The following ROBO1 variants were observed in gnomAD, a reference collection of about 807,000 sequenced individuals.
The protein encoded by ROBO1 is roundabout guidance receptor 1, also known as roundabout homolog 1.
In ROBO1, 149 loss-of-function variants were observed where a neutral mutation model predicts 195.9. The observed-to-expected ratio is 0.76, with a 90% confidence interval of 0.67 to 0.87. ROBO1 has a LOEUF of 0.87. Ranked by LOEUF, ROBO1 falls within the 40% of genes least tolerant of loss-of-function variation. The pLI, the probability that ROBO1 is intolerant of heterozygous loss-of-function variation, is 0.00. For synonymous variants in ROBO1, 816 were observed against 733.2 expected (o/e 1.11, Z -1.82); for missense variants, 1,933 against 2,068.3 (o/e 0.93, Z 1.27).
intron 2 of ROBO1, among the ~76,000 whole-genome samples, chr3:79,220,738 G>T (rs1427738822): frequency 6.6e-6 from 1 of 151,980 alleles, no homozygotes; most frequent in Non-Finnish European, 1.5e-5. Context: ...ACATAAAATA[G>T]ATTCTCCTTT....
intron 1 of ROBO1, among the ~76,000 whole-genome samples, chr3:79,714,610 CAAT>C (rs1441252361): frequency 6.6e-6 from 1 of 151,578 alleles, no homozygotes; most frequent in African/African-American, 2.4e-5. Context: ...AAATGTCCAA[CAAT>C]GATAGACTGG....
At position 78,918,834 on chromosome 3, in the gene ROBO1, T is replaced by C. The variant is rs1318198872; in HGVS notation, c.499+19767A>G. ...CACAGATACTCATAGCCCACAACCATAAAGTGAGTACTTTATGAAAAAAGG... is the reference window on the plus strand; with the variant it reads ...CACAGATACTCATAGCCCACAACCACAAAGTGAGTACTTTATGAAAAAAGG... On this transcript the variant is annotated intron_variant, in intron 4 of 30. Transcript: ENST00000464233. 2.6e-5 allele frequency among the ~76,000 whole-genome samples: 4 copies of C among 152,154 alleles called. No homozygotes were observed. The East Asian group carries it at 7.7e-4, about 29-fold the overall frequency.
At chr3:78,799,547 T>G (rs539998718) in intron 4 of ROBO1, among the ~76,000 whole-genome samples, 1 of 152,088 alleles carries the variant, frequency 6.6e-6, no homozygotes, top group Non-Finnish European at 1.5e-5. Flanking sequence ...TTCACCGTGT[T>G]AGCCAGGATG....
chr3:78,908,318 C>T (rs1005764973), intron 4 of ROBO1, among the ~76,000 whole-genome samples: 3 of 151,892 alleles, frequency 2.0e-5, no homozygotes, highest in African/African-American at 7.2e-5. Flanking sequence ...AGAAAACCAG[C>T]TATTTCCCAC....
At chr3:78,915,148 T>C (rs1316739916) in intron 4 of ROBO1, among the ~76,000 whole-genome samples, 1 of 152,158 alleles carries the variant, frequency 6.6e-6, no homozygotes, top group African/African-American at 2.4e-5. Flanking sequence ...AAATTTAGCC[T>C]TTGTACTCTG....
chr3:79,468,986 C>A (rs1244933478), intron 2 of ROBO1, among the ~76,000 whole-genome samples: 1 of 152,020 alleles, frequency 6.6e-6, no homozygotes, highest in Admixed American at 6.6e-5. Flanking sequence ...ATGCAAATTT[C>A]ATAAAAAAAT....
At chr3:79,573,694 C>A (rs1943353881) in intron 2 of ROBO1, among the ~76,000 whole-genome samples, 1 of 152,124 alleles carries the variant, frequency 6.6e-6, no homozygotes, top group Non-Finnish European at 1.5e-5. Flanking sequence ...TAGCTTTCAG[C>A]TCCAGTTTAA....
rs1559650985 is a variant in ROBO1, at chr3:79,089,942, T to TTC, written c.172+35513_172+35514insGA. ...ATATATCATCCAGTTATTCTTTCTT[T>TTC]TTTTTTTTTTTTTTTAAGACGGAGT... On this transcript the variant is annotated intron_variant, in intron 3 of 30. Coordinates refer to ENST00000464233, the MANE Select transcript of ROBO1 (RefSeq NM_002941.4). Among the ~76,000 whole-genome samples the TTC allele has an allele frequency of 3.4e-5, 5 of 146,010 alleles. 1 individual carries two copies. The highest frequency in any genetic ancestry group is 7.5e-5 in the Non-Finnish European group (5 of 66,486).
At chr3:79,554,133 G>A (rs1309871206) in intron 2 of ROBO1, among the ~76,000 whole-genome samples, 1 of 151,714 alleles carries the variant, frequency 6.6e-6, no homozygotes, top group Non-Finnish European at 1.5e-5. Flanking sequence ...ATAATCTAAG[G>A]TATCATTATC....
At chr3:79,295,999 T>C (rs1472598416) in intron 2 of ROBO1, among the ~76,000 whole-genome samples, 1 of 152,114 alleles carries the variant, frequency 6.6e-6, no homozygotes, top group Non-Finnish European at 1.5e-5. Context: ...TATAAATATA[T>C]AGAAATAAAA....
At chr3:78,958,813 C>T (rs996522597) in intron 3 of ROBO1, among the ~76,000 whole-genome samples, 3 of 147,770 alleles carry the variant, frequency 2.0e-5, no homozygotes, top group African/African-American at 7.6e-5. Flanking sequence ...GTCACCCTTT[C>T]TTCTTCTTTT....
At chr3:79,503,928 C>T (rs986708851) in intron 2 of ROBO1, among the ~76,000 whole-genome samples, 1 of 152,158 alleles carries the variant, frequency 6.6e-6, no homozygotes, top group African/African-American at 2.4e-5. Flanking sequence ...TTATTATCTA[C>T]ATTTATCAGC....
chr3:79,046,291 A>C (rs892769808), intron 3 of ROBO1, among the ~76,000 whole-genome samples: 1 of 152,034 alleles, frequency 6.6e-6, no homozygotes, highest in Non-Finnish European at 1.5e-5. Context: ...GCTAATAGCC[A>C]CCTGAGGGAG....
In ROBO1 at chr3:79,463,190, G is replaced by A. The variant is rs138938362; in HGVS notation, c.88+126634C>T. ...AGATCAAGACCATCCTGGCTAACAC[G>A]GTGAAACCCCGTCTCTACTAAAAGT... On this transcript the variant is annotated intron_variant, in intron 2 of 30. Transcript: ENST00000464233. 9.8e-3 allele frequency among the ~76,000 whole-genome samples: 1,493 copies of A among 152,070 alleles called. 20 individuals carry two copies. Among genetic ancestry groups the A allele is most frequent in the African/African-American group, 0.034 (1,421 of 41,482 alleles).
chr3:78,815,667 G>A (rs2084878605), intron 4 of ROBO1, among the ~76,000 whole-genome samples: 1 of 152,102 alleles, frequency 6.6e-6, no homozygotes, highest in Non-Finnish European at 1.5e-5. Context: ...CCTTCACTAG[G>A]AGTAGATTTC....
chr3:79,757,629 T>A (rs1704478867), intron 1 of ROBO1, among the ~76,000 whole-genome samples: 1 of 152,052 alleles, frequency 6.6e-6, no homozygotes, highest in Non-Finnish European at 1.5e-5. Flanking sequence ...CAGTGAGCTA[T>A]GATTGTGCTA....
chr3:79,034,936 C>A (rs965364726), intron 3 of ROBO1, among the ~76,000 whole-genome samples: 1 of 151,946 alleles, frequency 6.6e-6, no homozygotes, highest in Admixed American at 6.6e-5. Context: ...GTTGGTGAAA[C>A]AGACAATAAA....
intron 20 of ROBO1, among the ~76,000 whole-genome samples, chr3:78,646,755 G>A (rs1030362962): frequency 1.3e-5 from 2 of 151,790 alleles, no homozygotes; most frequent in South Asian, 2.1e-4. Context: ...TGTGGCTTCT[G>A]CAAATTATTT....
intron 14 of ROBO1, among the ~76,000 whole-genome samples, chr3:78,664,233 T>C (rs1423469433): frequency 6.6e-6 from 1 of 152,216 alleles, no homozygotes; most frequent in African/African-American, 2.4e-5. Flanking sequence ...AGAATTAGAC[T>C]TAAAGAAGAC....
Sources: allele counts gnomAD v4.1 joint callset (sites outside exome capture counted in the v4.1 genomes callset), GRCh38; gene constraint gnomAD v4.1.1; transcripts MANE v1.5; gene names NCBI Gene and HGNC (gene_info 2026-07-23, HGNC 2026-07-21).